Variants in BCL7C observed in about 807,000 individuals in gnomAD.
The protein encoded by BCL7C is BAF chromatin remodeling complex subunit BCL7C, also known as B-cell CLL/lymphoma 7 protein family member C.
A neutral mutation model predicts 26.2 loss-of-function variants in BCL7C; 8 were observed. That is an observed-to-expected ratio of 0.30 (90% CI 0.18 to 0.55). The LOEUF (loss-of-function observed/expected upper bound fraction) is 0.55. BCL7C is among the 20% of genes least tolerant of loss of function. The pLI, the probability that BCL7C is intolerant of heterozygous loss-of-function variation, is 0.93. For synonymous variants in BCL7C, 90 were observed against 116.5 expected (o/e 0.77, Z 1.47); for missense variants, 262 against 298.5 (o/e 0.88, Z 0.90).
At chr16:30,838,333 T>C (rs2054581654) in intron 5 of BCL7C, among the ~76,000 whole-genome samples, 1 of 152,214 alleles carries the variant, frequency 6.6e-6, no homozygotes, top group East Asian at 1.9e-4. Context: ...AGTATACACA[T>C]ATAGATCAGA....
At chr16:30,851,187 C>T in intron 5 of BCL7C, 1 of 289,896 alleles carries the variant, frequency 3.4e-6, no homozygotes, top group South Asian at 3.4e-5. Context: ...AGTCAGTTGG[C>T]AAGAGGTCAG....
rs771251776 is a variant in BCL7C, at chr16:30,892,819, C to T, written c.280+21G>A. 6 of 1,613,734 alleles carry T rather than the reference C, an allele frequency of 3.7e-6. No individual in the cohort carries two copies. In the East Asian group the frequency reaches 8.9e-5, roughly 24 times the overall value. The stretch of plus-strand genomic sequence containing the variant: ...CTCCTTCAGTCCCCACAGCCCCCCG[C>T]GTTTCAGGATCCCTACCTACCATTA... On this transcript the variant is annotated intron_variant, in intron 3 of 5. Transcript: ENST00000215115.
At chr16:30,879,711 T>TAAAAAAAAAAAAAAAAAAAAAAAAAA in intron 5 of BCL7C, among the ~76,000 whole-genome samples, 1 of 17,168 alleles carries the variant, frequency 5.8e-5, no homozygotes, top group Non-Finnish European at 2.4e-4. Flanking sequence ...AAAAAAAAAC[T>TAAAAAAAAAAAAAAAAAAAAAAAAAA]GGGCACGGTG....
intron 5 of BCL7C, among the ~76,000 whole-genome samples, chr16:30,838,741 C>T (rs561849532): frequency 7.2e-5 from 11 of 152,150 alleles, no homozygotes; most frequent in Non-Finnish European, 1.3e-4. Context: ...GCCAAGATCA[C>T]GCCACTGCAC....
At chr16:30,841,901 G>A (rs2054604612) in intron 5 of BCL7C, among the ~76,000 whole-genome samples, 1 of 138,118 alleles carries the variant, frequency 7.2e-6, no homozygotes, top group African/African-American at 2.8e-5. Flanking sequence ...CTTGCAGTGA[G>A]CCGAGATCAT....
chr16:30,883,430 C>T (rs564400805), downstream of BCL7C, among the ~76,000 whole-genome samples: 12 of 151,506 alleles, frequency 7.9e-5, no homozygotes, highest in Admixed American at 2.0e-4. Flanking sequence ...ATCTTACTGC[C>T]GCCTCAACCT....
Position 30,834,232 on chromosome 16 carries a change from C to G in BCL7C, c.*716G>C, listed in dbSNP as rs911950582. ...CTCAGGGCTGCGCCAGAAGTCTCCA[C>G]GCCTCCACCCGAGGCGGGCGCCTGG... is the stretch of plus-strand genomic sequence containing the variant. On this transcript the variant is annotated 3_prime_UTR_variant, in exon 6 of 6. Coordinates refer to the BCL7C transcript ENST00000380317. This position sits in a 1 kb window ranked among gnomAD's most constrained non-coding sequence, Gnocchi z 4.3. 6.6e-6 allele frequency: 1 copy of G among 152,252 alleles called. No individual in the cohort carries two copies. Among genetic ancestry groups the G allele is most frequent in the African/African-American group, 2.4e-5 (1 of 41,462 alleles). 9.4% of individuals were successfully genotyped at this position (152,252 alleles called of 1,614,324 possible).
intron 5 of BCL7C, among the ~76,000 whole-genome samples, chr16:30,866,560 T>A (rs370919951): frequency 2.1e-5 from 2 of 97,174 alleles, no homozygotes; most frequent in African/African-American, 4.3e-5. Flanking sequence ...CTGGCCAAAA[T>A]AGCGAGACTG....
intron 5 of BCL7C, among the ~76,000 whole-genome samples, chr16:30,850,209 CAA>C (rs778231654): frequency 6.5e-4 from 56 of 86,546 alleles, no homozygotes; most frequent in African/African-American, 1.0e-3. Context: ...GACTCCATCT[CAA>C]AAAAAAAAAA....
At position 30,892,893 on chromosome 16, in the gene BCL7C, C is replaced by T. The variant is rs2055275226; in HGVS notation, c.227G>A (p.Gly76Asp). ...ACCCCCTCGGGGACTGGCGCCCCTG[C>T]CCCGACGTTCCCGGCCACGGGATCT... The part of the protein sequence containing the change: ...AERSRGRERR[G>D]RGASPRGGGP... Residue 76 changes from glycine to aspartate, a missense_variant, in exon 3 of 6, where the codon GGC becomes GAC. Coordinates refer to ENST00000215115, the MANE Select transcript of BCL7C (RefSeq NM_004765.4). 4 of 1,612,754 alleles carry T rather than the reference C, an allele frequency of 2.5e-6. No homozygotes were observed. The highest frequency in any genetic ancestry group is 3.4e-6 in the Non-Finnish European group (4 of 1,179,982).
At chr16:30,890,669 G>A (rs1193554840) in intron 4 of BCL7C, among the ~76,000 whole-genome samples, 1 of 151,926 alleles carries the variant, frequency 6.6e-6, no homozygotes, top group African/African-American at 2.4e-5. Flanking sequence ...GGCCAACATG[G>A]TGAAACTCCA....
chr16:30,869,010 G>A (rs2054857928), intron 5 of BCL7C, among the ~76,000 whole-genome samples: 2 of 151,626 alleles, frequency 1.3e-5, no homozygotes, highest in Non-Finnish European at 2.9e-5. Context: ...CTCCCAAAAT[G>A]TTGGGATTAC....
At chr16:30,886,076 GCAGTCCTCC>G (rs1012556247), downstream of BCL7C, among the ~76,000 whole-genome samples, 6 of 152,092 alleles carry the variant, frequency 3.9e-5, no homozygotes, top group Non-Finnish European at 7.4e-5. Context: ...CTGGCCTCAA[GCAGTCCTCC>G]CACCTGTGCC....
chr16:30,883,604 C>A (rs2055077206), downstream of BCL7C, among the ~76,000 whole-genome samples: 5 of 140,832 alleles, frequency 3.6e-5, no homozygotes, highest in Non-Finnish European at 1.5e-5. Context: ...GCAACCTCCG[C>A]CTCCCACGTT....
At chr16:30,866,677 G>A (rs1293147617) in intron 5 of BCL7C, among the ~76,000 whole-genome samples, 1 of 151,994 alleles carries the variant, frequency 6.6e-6, no homozygotes, top group Non-Finnish European at 1.5e-5. Context: ...TTAATGAAAT[G>A]TAAATAGTAA....
intron 4 of BCL7C, among the ~76,000 whole-genome samples, chr16:30,891,001 A>C (rs1202985350): frequency 1.3e-5 from 2 of 150,700 alleles, no homozygotes; most frequent in African/African-American, 4.9e-5. Flanking sequence ...CAAACAAACA[A>C]ATAAACAAAA....
chr16:30,883,419 T>A (rs1414862844), downstream of BCL7C, among the ~76,000 whole-genome samples: 1 of 151,672 alleles, frequency 6.6e-6, no homozygotes, highest in Admixed American at 6.6e-5. Flanking sequence ...GGCACAGTCA[T>A]ATCTTACTGC....
At chr16:30,887,106 T>G (rs543294144), downstream of BCL7C, among the ~76,000 whole-genome samples, 1 of 152,176 alleles carries the variant, frequency 6.6e-6, no homozygotes, top group Admixed American at 6.5e-5. Context: ...GTCAGGAGTT[T>G]GAGACCAGCC....
chr16:30,872,782 CT>C (rs1233028802), intron 5 of BCL7C, among the ~76,000 whole-genome samples: 2 of 152,128 alleles, frequency 1.3e-5, no homozygotes, highest in African/African-American at 4.8e-5. Context: ...TTAAGCCTAG[CT>C]TCTGTCACTA....
Sources: allele counts gnomAD v4.1 joint callset (sites outside exome capture counted in the v4.1 genomes callset), GRCh38; gene constraint gnomAD v4.1.1; non-coding constraint Gnocchi (gnomAD v3.1); transcripts MANE v1.5; gene names NCBI Gene and HGNC (gene_info 2026-07-23, HGNC 2026-07-21).